The following PHF24 variants were observed in gnomAD, a reference collection of about 807,000 sequenced individuals.
PHF24 encodes PHD finger protein 24.
Under a neutral mutation model 42.6 loss-of-function variants are expected in PHF24, and 25 were observed. The ratio of observed to expected loss-of-function variants is 0.59; its 90% CI spans 0.43 to 0.82. PHF24 has a LOEUF of 0.82. PHF24 is among the 40% of genes least tolerant of loss of function. PHF24 has a pLI of 0.00. For synonymous variants in PHF24, 185 were observed against 204.8 expected (o/e 0.90, Z 0.83); for missense variants, 470 against 538.1 (o/e 0.87, Z 1.25).
chr9:34,889,709 G>A, the PHF24 span: 8 of 397,742 alleles, frequency 2.0e-5, no homozygotes, highest in East Asian at 2.8e-4. Context: ...AGAAAGTGTG[G>A]CCCTGCAAAT....
At chr9:34,840,539 CCTTCTT>C in the PHF24 span, among the ~76,000 whole-genome samples, 14 of 139,504 alleles carry the variant, frequency 1.0e-4, no homozygotes, top group Admixed American at 2.2e-4. Flanking sequence ...TCTTCTCCTT[CCTTCTT>C]CTTCTTCTTC....
chr9:34,682,241 A>G, the PHF24 span, among the ~76,000 whole-genome samples: 2 of 149,526 alleles, frequency 1.3e-5, no homozygotes, highest in East Asian at 4.0e-4. Flanking sequence ...TGGCCTCCCA[A>G]AGTGCAGGGA....
chr9:34,684,508 C>T, the PHF24 span, among the ~76,000 whole-genome samples: 4 of 151,986 alleles, frequency 2.6e-5, no homozygotes, highest in African/African-American at 7.2e-5. Flanking sequence ...GGTAGGGTTT[C>T]CTGAGAGGAA....
the PHF24 span, among the ~76,000 whole-genome samples, chr9:34,716,565 C>CT: frequency 8.1e-5 from 12 of 148,326 alleles, no homozygotes; most frequent in East Asian, 1.8e-3. Flanking sequence ...TTTTGTTTTG[C>CT]TTTGTTTTGT....
chr9:34,766,179 T>G, the PHF24 span, among the ~76,000 whole-genome samples: 3 of 152,244 alleles, frequency 2.0e-5, no homozygotes, highest in African/African-American at 7.2e-5. Flanking sequence ...ATTATATGTC[T>G]TAGAGTTGCT....
the PHF24 span, among the ~76,000 whole-genome samples, chr9:34,891,652 A>G: frequency 6.6e-6 from 1 of 152,176 alleles, no homozygotes; most frequent in East Asian, 1.9e-4. Context: ...TTGCTCCTGG[A>G]GGTGGAATCC....
the PHF24 span, among the ~76,000 whole-genome samples, chr9:34,761,012 T>C: frequency 6.6e-6 from 1 of 151,216 alleles, no homozygotes; most frequent in Non-Finnish European, 1.5e-5. Flanking sequence ...AAAAGTAATC[T>C]GCTCCAGTGC....
the PHF24 span, among the ~76,000 whole-genome samples, chr9:34,812,024 A>G: frequency 7.2e-5 from 11 of 152,342 alleles, no homozygotes; most frequent in African/African-American, 2.4e-4. Context: ...AACGACCAAT[A>G]CGCACATTAA....
chr9:34,691,393 C>G, the PHF24 span: 1 of 485,598 alleles, frequency 2.1e-6, no homozygotes, highest in Non-Finnish European at 3.7e-6. Flanking sequence ...GGCAGAATCG[C>G]ACCCTGCCCC....
chr9:34,732,643 T>C, the PHF24 span, among the ~76,000 whole-genome samples: 1 of 152,222 alleles, frequency 6.6e-6, no homozygotes, highest in Non-Finnish European at 1.5e-5. Context: ...TGTCCACTTT[T>C]GCTGCTTTGG....
chr9:34,875,940 A>ACTCTCTCTCTCT, the PHF24 span, among the ~76,000 whole-genome samples: 8 of 89,336 alleles, frequency 9.0e-5, no homozygotes, highest in African/African-American at 2.8e-4. Context: ...ACACACACAC[A>ACTCTCTCTCTCT]CACACACACA....
the PHF24 span, among the ~76,000 whole-genome samples, chr9:34,677,827 C>T: frequency 6.6e-6 from 1 of 152,182 alleles, no homozygotes; most frequent in African/African-American, 2.4e-5. Context: ...TGTGTCCTAC[C>T]TCTTCTTATG....
the PHF24 span, among the ~76,000 whole-genome samples, chr9:34,867,226 A>G: frequency 5.3e-5 from 8 of 152,206 alleles, no homozygotes; most frequent in Admixed American, 1.3e-4. Flanking sequence ...TTTCAGCAAA[A>G]TGGAGAGGCA....
chr9:34,680,666 C>A, the PHF24 span, among the ~76,000 whole-genome samples: 2 of 140,216 alleles, frequency 1.4e-5, no homozygotes, highest in Middle Eastern at 7.9e-3. Flanking sequence ...CCAGCCTGGG[C>A]GACAGAGCGA....
the PHF24 span, chr9:34,918,384 T>C: frequency 3.1e-6 from 2 of 650,306 alleles, no homozygotes; most frequent in Non-Finnish European, 5.6e-6. Flanking sequence ...CAATTGTAAC[T>C]CGAAGGGTGA....
chr9:34,700,555 G>C, the PHF24 span, among the ~76,000 whole-genome samples: 12 of 152,154 alleles, frequency 7.9e-5, no homozygotes. Flanking sequence ...TGGGTTTGTG[G>C]GGAGATCAGG....
At chr9:34,689,502 T>C in the PHF24 span, 3 of 310,058 alleles carry the variant, frequency 9.7e-6, no homozygotes, top group Non-Finnish European at 1.8e-5. This position sits in a 1 kb window ranked among gnomAD's most constrained non-coding sequence, Gnocchi z 4.1. Context: ...CTTTTTTTTT[T>C]TTTTTAAGGC....
the PHF24 span, chr9:34,725,775 G>C: frequency 6.5e-7 from 1 of 1,548,886 alleles, no homozygotes; most frequent in Non-Finnish European, 8.7e-7. Context: ...GAAGAGGGTG[G>C]GGCTGACTGG....
chr9:34,937,124 C>T, the PHF24 span, among the ~76,000 whole-genome samples: 3 of 151,892 alleles, frequency 2.0e-5, no homozygotes, highest in South Asian at 2.1e-4. Flanking sequence ...CCCCTCTGCC[C>T]GGCCACCACC....
Sources: gnomAD v4.1 joint callset for allele counts (sites outside exome capture counted in the v4.1 genomes callset) on GRCh38, gnomAD v4.1.1 for gene constraint, Gnocchi (gnomAD v3.1) non-coding constraint, MANE v1.5 for transcripts, NCBI Gene and HGNC (gene_info 2026-07-23, HGNC 2026-07-21) for gene names.